Variants in CTDSPL observed in about 807,000 individuals in gnomAD.
CTDSPL encodes the protein CTD small phosphatase like, also known as CTD small phosphatase-like protein.
In CTDSPL, 8 loss-of-function variants were observed where a neutral mutation model predicts 30.5. The observed-to-expected ratio is 0.26, with a 90% CI of 0.15 to 0.47. The LOEUF is 0.47. Among genes scored for constraint, CTDSPL ranks in the 20% least tolerant of loss-of-function variants. The probability of loss-of-function intolerance (pLI) is 0.99; values close to 1 mark genes in which losing one functional copy is unlikely to be tolerated. For synonymous variants in CTDSPL, 110 were observed against 137.9 expected (o/e 0.80, Z 1.42); for missense variants, 248 against 366.1 (o/e 0.68, Z 2.63).
At chr3:37,916,277 T>C (rs1292823432) in intron 1 of CTDSPL, among the ~76,000 whole-genome samples, 1 of 152,230 alleles carries the variant, frequency 6.6e-6, no homozygotes, top group Non-Finnish European at 1.5e-5. Flanking sequence ...AGTATTTTTC[T>C]AGCTTTAGAG....
At chr3:37,917,453 C>T (rs1016062985) in intron 1 of CTDSPL, among the ~76,000 whole-genome samples, 5 of 152,168 alleles carry the variant, frequency 3.3e-5, no homozygotes, top group Admixed American at 2.6e-4. Context: ...TAGGCACTTT[C>T]GTTGTAATTA....
At chr3:37,885,036 A>T (rs1250319324) in intron 1 of CTDSPL, among the ~76,000 whole-genome samples, 1 of 152,162 alleles carries the variant, frequency 6.6e-6, no homozygotes, top group Non-Finnish European at 1.5e-5. Flanking sequence ...CATGATTGGT[A>T]TGGAGTTAGA....
In CTDSPL at chr3:37,939,358, C is replaced by G. The variant is rs967727912; in HGVS notation, c.80-7699C>G. 5.3e-5 allele frequency among the ~76,000 whole-genome samples: 8 copies of G among 150,208 alleles called. 1 individual carries two copies. Among genetic ancestry groups the G allele is most frequent in the Non-Finnish European group, 1.2e-4 (8 of 67,074 alleles). On this transcript the variant is annotated intron_variant, in intron 1 of 7. Coordinates refer to ENST00000273179, the MANE Select transcript of CTDSPL (RefSeq NM_001008392.2). ...TCACACGGGCTAACAAGTGGCAGGG[C>G]TGGGACTTGAACCTAAATGTAATTC...
chr3:37,960,527 T>C (rs1232071576), intron 3 of CTDSPL, among the ~76,000 whole-genome samples: 8 of 63,626 alleles, frequency 1.3e-4, no homozygotes, highest in African/African-American at 4.1e-4. Context: ...TATATATATA[T>C]ATATATATAC....
intron 2 of CTDSPL, among the ~76,000 whole-genome samples, chr3:37,956,048 T>G (rs575224426): frequency 1.3e-5 from 2 of 152,304 alleles, no homozygotes; most frequent in South Asian, 2.1e-4. Context: ...AGAAGGAAGC[T>G]TAAAATCCTT....
chr3:37,910,974 G>A (rs976718570), intron 1 of CTDSPL, among the ~76,000 whole-genome samples: 13 of 152,198 alleles, frequency 8.5e-5, no homozygotes, highest in African/African-American at 1.9e-4. Flanking sequence ...GAAGGCAGGC[G>A]TCTGCCCCTG....
intron 5 of CTDSPL, among the ~76,000 whole-genome samples, chr3:37,970,455 C>G (rs1035105456): frequency 6.6e-6 from 1 of 152,206 alleles, no homozygotes. Context: ...AGTAAACATG[C>G]TGAATTGAAT....
intron 1 of CTDSPL, among the ~76,000 whole-genome samples, chr3:37,913,016 T>C (rs1698600878): frequency 6.6e-6 from 1 of 152,086 alleles, no homozygotes; most frequent in South Asian, 2.1e-4. Flanking sequence ...GTTTGATGAG[T>C]GTATAAATGA....
intron 6 of CTDSPL, 120 bp downstream of exon 6, chr3:37,971,619 G>T (rs947951064): frequency 2.5e-5 from 21 of 850,306 alleles, no homozygotes; most frequent in East Asian, 2.1e-4. Context: ...ATGGTGACAG[G>T]TTCCCACCCC....
chr3:37,960,730 ACAAACAAAAC>A (rs1176690725), intron 3 of CTDSPL, among the ~76,000 whole-genome samples: 2 of 151,238 alleles, frequency 1.3e-5, no homozygotes, highest in Non-Finnish European at 2.9e-5. Flanking sequence ...ACCCTGTCTC[ACAAACAAAAC>A]AAAACAAAAC....
intron 1 of CTDSPL, among the ~76,000 whole-genome samples, chr3:37,907,128 G>A (rs536303495): frequency 3.3e-5 from 5 of 152,220 alleles, no homozygotes; most frequent in East Asian, 1.9e-4. Flanking sequence ...ATGGCTCTTC[G>A]AGTGTCAATT....
At chr3:37,940,482 T>A (rs931957333) in intron 1 of CTDSPL, among the ~76,000 whole-genome samples, 3 of 150,686 alleles carry the variant, frequency 2.0e-5, no homozygotes, top group African/African-American at 7.3e-5. Flanking sequence ...CTGTCCTTCT[T>A]TGTAACCCAG....
intron 1 of CTDSPL, among the ~76,000 whole-genome samples, chr3:37,874,238 G>C (rs1313158555): frequency 6.6e-6 from 1 of 152,184 alleles, no homozygotes; most frequent in African/African-American, 2.4e-5. Flanking sequence ...AACCCCGTTT[G>C]GCATGGCAGC....
chr3:37,900,554 T>A (rs764984792), intron 1 of CTDSPL, among the ~76,000 whole-genome samples: 3 of 152,214 alleles, frequency 2.0e-5, no homozygotes, highest in Non-Finnish European at 4.4e-5. Flanking sequence ...TTAAAGGAAC[T>A]GTAGAAATCT....
At chr3:37,916,403 G>A (rs1698647545) in intron 1 of CTDSPL, among the ~76,000 whole-genome samples, 1 of 152,116 alleles carries the variant, frequency 6.6e-6, no homozygotes, top group Non-Finnish European at 1.5e-5. Context: ...CTAGCCCCTA[G>A]TACTTCAAAA....
rs1697944314 is a variant in CTDSPL at position 37,861,987 on chromosome 3, G to T, written c.-213G>T. 1 of 145,818 alleles carries T rather than the reference G, an allele frequency of 6.9e-6. No homozygotes were observed. 9.0% of individuals were successfully genotyped at this position (145,818 alleles called of 1,614,324 possible). A position where few individuals can be genotyped will look rare whatever the true frequency, so the allele number is the denominator to read the frequency against. ...CGGCTCCGGGGTTCATGGTGACGAG[G>T]CGGCGGCCGCTCGAGCCCAGCGGCG... On this transcript the variant is annotated 5_prime_UTR_variant, in exon 1 of 8. Transcript: ENST00000273179.
intron 1 of CTDSPL, among the ~76,000 whole-genome samples, chr3:37,903,021 G>A (rs1698470415): frequency 6.6e-6 from 1 of 152,220 alleles, no homozygotes; most frequent in African/African-American, 2.4e-5. Flanking sequence ...TCCCAGGTGG[G>A]CTTCAGTTGT....
At chr3:37,919,588 C>A (rs1441912040) in intron 1 of CTDSPL, among the ~76,000 whole-genome samples, 1 of 152,138 alleles carries the variant, frequency 6.6e-6, no homozygotes, top group Non-Finnish European at 1.5e-5. Context: ...GTTTTCTAAT[C>A]CAAAACCAGG....
intron 1 of CTDSPL, among the ~76,000 whole-genome samples, chr3:37,863,246 G>T (rs1697966849): frequency 6.6e-6 from 1 of 152,194 alleles, no homozygotes; most frequent in African/African-American, 2.4e-5. Flanking sequence ...ATAGTGCCAG[G>T]AGTGTCCCCT....
Sources: allele counts gnomAD v4.1 joint callset (sites outside exome capture counted in the v4.1 genomes callset), GRCh38; gene constraint gnomAD v4.1.1; transcripts MANE v1.5; gene names NCBI Gene and HGNC (gene_info 2026-07-23, HGNC 2026-07-21).